The following CAMSAP2 variants were observed in gnomAD, a reference collection of about 807,000 sequenced individuals.
CAMSAP2 encodes the protein calmodulin regulated spectrin associated protein family member 2.
Under a neutral mutation model 146.1 loss-of-function variants are expected in CAMSAP2, and 26 were observed. That is an observed-to-expected ratio of 0.18 (90% CI 0.13 to 0.25). The LOEUF is 0.25. Among genes scored for constraint, CAMSAP2 ranks in the 10% least tolerant of loss-of-function variants. The pLI is 1.00. For missense variants in CAMSAP2, 1,381 were observed against 1,759.3 expected (o/e 0.78, Z 3.85); for synonymous variants, 499 against 596.6 (o/e 0.84, Z 2.38).
Position 200,841,401 on chromosome 1 carries a change from C to G in CAMSAP2, c.928-593C>G, listed in dbSNP as rs1667319615. On this transcript the variant is annotated intron_variant, in intron 6 of 16. Transcript: ENST00000358823. ...AGCTAGGATTACAGGCACGCGCCAC[C>G]ACACCCGGCTAGTTTTTTGTATCTT... 2.0e-5 allele frequency among the ~76,000 whole-genome samples: 3 copies of G among 152,172 alleles called. No individual in the cohort carries two copies. In the South Asian group the frequency reaches 6.2e-4, roughly 32 times the overall value.
intron 2 of CAMSAP2, among the ~76,000 whole-genome samples, chr1:200,787,069 G>A (rs6667419): frequency 0.13 from 20,439 of 151,814 alleles, 1,430 homozygotes; most frequent in East Asian, 0.17. Context: ...GACAATGCGC[G>A]TGGTCACCCA....
intron 3 of CAMSAP2, among the ~76,000 whole-genome samples, chr1:200,813,214 G>A (rs2102159250): frequency 6.6e-6 from 1 of 152,308 alleles, no homozygotes; most frequent in Admixed American, 6.5e-5. Context: ...GGCCGAAAGG[G>A]CCACTGTGCT....
rs748372846 is a variant in CAMSAP2, at chr1:200,842,050, G to A, written c.984G>A (p.Pro328=). The A allele has an allele frequency of 2.6e-5, 42 of 1,613,702 alleles. No homozygotes were observed. The Admixed American group carries it at 4.2e-4, about 16-fold the overall frequency. The change falls in exon 7 of 17, where the codon CCG becomes CCA. Residue 328 remains proline (P), a synonymous_variant. Transcript: ENST00000358823. ...TCTGGTGGTTTGAAGTGGTGAAGCC[G>A]TCTTTTGTACAGCCTCGTGTTGTTC... ...ELFWWFEVVK[P]SFVQPRVVRP... is the part of the protein sequence containing the mutation.
At position 200,817,185 on chromosome 1, in the gene CAMSAP2, CACACATGTGTGTGTGTATACACACAT is replaced by C. The variant is rs1213770050; in HGVS notation, c.645+1547_645+1572del. 4.0e-3 allele frequency among the ~76,000 whole-genome samples: 285 copies of C among 70,810 alleles called. 5 individuals carry two copies. Among genetic ancestry groups the C allele is most frequent in the African/African-American group, 0.018 (268 of 14,744 alleles). The allele number at this position is 70,810 out of a possible 152,430, so 46.5% of individuals were successfully genotyped here. Reference sequence around the variant, plus strand: ...ACACACGTGTGTGTATATACACACACACACATGTGTGTGTGTATACACACATACACACATATGTGTGTGTATATACA... The same window carrying C: ...ACACACGTGTGTGTATATACACACACACACACATATGTGTGTGTATATACA... On this transcript the variant is annotated intron_variant, in intron 4 of 16. Coordinates refer to ENST00000358823, the MANE Select transcript of CAMSAP2 (RefSeq NM_203459.4).
At position 200,815,626 on chromosome 1, in the gene CAMSAP2, A is replaced by G; in HGVS notation, c.627A>G (p.Glu209=). Residue 209 remains glutamate (E), a synonymous_variant, in exon 4 of 17, where the codon GAA becomes GAG. Coordinates refer to ENST00000358823, the MANE Select transcript of CAMSAP2 (RefSeq NM_203459.4). ...AACTGAAAGAACATCACACAGTTGA[A>G]GCTCCAGGAGGTCAAAAGGTATTTA... ...EQKLKEHHTV[E]APGGQKARYR... is the part of the protein sequence containing the mutation. The G allele has an allele frequency of 1.3e-6, 2 of 1,569,862 alleles. No individual in the cohort carries two copies. Among genetic ancestry groups the G allele is most frequent in the Non-Finnish European group, 1.7e-6 (2 of 1,159,648 alleles).
chr1:200,841,111 AAGTT>A (rs1440676133), intron 6 of CAMSAP2, among the ~76,000 whole-genome samples: 8 of 152,238 alleles, frequency 5.3e-5, no homozygotes, highest in Non-Finnish European at 8.8e-5. Flanking sequence ...TAACTTTTCA[AAGTT>A]AGGTAGATAC....
chr1:200,782,575 T>A (rs1665464799), intron 2 of CAMSAP2, among the ~76,000 whole-genome samples: 1 of 152,148 alleles, frequency 6.6e-6, no homozygotes, highest in Non-Finnish European at 1.5e-5. Flanking sequence ...ACTCTTTTTT[T>A]ACTAGATTCT....
intron 1 of CAMSAP2, among the ~76,000 whole-genome samples, chr1:200,750,552 A>G (rs931855182): frequency 1.3e-5 from 2 of 150,242 alleles, no homozygotes; most frequent in South Asian, 2.1e-4. Context: ...CCTTCTTCCT[A>G]CCTCCCACAC....
intron 8 of CAMSAP2, among the ~76,000 whole-genome samples, chr1:200,846,724 A>G (rs928902676): frequency 6.6e-6 from 1 of 152,236 alleles, no homozygotes; most frequent in Admixed American, 6.5e-5. Flanking sequence ...AAAGAAAAAA[A>G]CAAAGGACGA....
intron 2 of CAMSAP2, among the ~76,000 whole-genome samples, chr1:200,804,061 A>G (rs1666107542): frequency 6.6e-6 from 1 of 151,632 alleles, no homozygotes; most frequent in South Asian, 2.1e-4. Context: ...TGAGTAGCTG[A>G]GACTACAGGT....
intron 2 of CAMSAP2, among the ~76,000 whole-genome samples, chr1:200,780,408 G>A (rs903088516): frequency 5.9e-5 from 9 of 152,172 alleles, no homozygotes; most frequent in African/African-American, 2.2e-4. Context: ...GGAGCATTTA[G>A]TGAGAATTAT....
intron 1 of CAMSAP2, among the ~76,000 whole-genome samples, chr1:200,747,742 G>A (rs1664376223): frequency 6.6e-6 from 1 of 151,782 alleles, no homozygotes; most frequent in Admixed American, 6.6e-5. Flanking sequence ...CGGGCGCGGT[G>A]GCTCACGCCT....
At chr1:200,841,175 G>C (rs1006589975) in intron 6 of CAMSAP2, among the ~76,000 whole-genome samples, 1 of 152,146 alleles carries the variant, frequency 6.6e-6, no homozygotes, top group African/African-American at 2.4e-5. Context: ...TTAAAAATTA[G>C]CTATAAAAAT....
chr1:200,845,976 CA>C (rs1202573922), intron 8 of CAMSAP2, among the ~76,000 whole-genome samples: 1 of 152,150 alleles, frequency 6.6e-6, no homozygotes, highest in East Asian at 1.9e-4. Context: ...CTCCTATAAG[CA>C]GCTTTTTATT....
Position 200,753,110 on chromosome 1 carries a change from C to G in CAMSAP2, c.140-7729C>G, listed in dbSNP as rs1346918320. Among the ~76,000 whole-genome samples, 6 of 151,838 alleles carry G rather than the reference C, an allele frequency of 4.0e-5. No homozygotes were observed. In the East Asian group the frequency reaches 1.2e-3, roughly 30 times the overall value. On this transcript the variant is annotated intron_variant, in intron 1 of 16. Coordinates refer to ENST00000358823, the MANE Select transcript of CAMSAP2 (RefSeq NM_203459.4). Reference sequence around the variant, plus strand: ...AGGAGTTTGAGACCACCCTGGCAAACAAGGTGAAAACCCATCTCTACTAAG... The same window carrying G: ...AGGAGTTTGAGACCACCCTGGCAAAGAAGGTGAAAACCCATCTCTACTAAG...
At chr1:200,756,033 T>G (rs1276876145) in intron 1 of CAMSAP2, among the ~76,000 whole-genome samples, 3 of 152,092 alleles carry the variant, frequency 2.0e-5, no homozygotes, top group Admixed American at 2.0e-4. Context: ...GAGTTGGGTG[T>G]TTGGAACATA....
intron 1 of CAMSAP2, among the ~76,000 whole-genome samples, chr1:200,758,917 T>C (rs1439945667): frequency 6.6e-6 from 1 of 152,198 alleles, no homozygotes; most frequent in Admixed American, 6.5e-5. Context: ...TTCATTTCCT[T>C]ATATCTATAT....
intron 1 of CAMSAP2, among the ~76,000 whole-genome samples, chr1:200,754,110 A>G (rs904629348): frequency 2.0e-5 from 3 of 152,228 alleles, no homozygotes; most frequent in Non-Finnish European, 2.9e-5. Flanking sequence ...ATGTCTGAGC[A>G]TTATGTTGAT....
At chr1:200,852,785 T>C (rs771854067) in intron 12 of CAMSAP2, 108 bp downstream of exon 12, 1 of 1,181,900 alleles carries the variant, frequency 8.5e-7, no homozygotes, top group Non-Finnish European at 1.2e-6. Flanking sequence ...TTAATTTTTA[T>C]TAACAGATTT....
Sources: allele counts gnomAD v4.1 joint callset (sites outside exome capture counted in the v4.1 genomes callset), GRCh38; gene constraint gnomAD v4.1.1; transcripts MANE v1.5; gene names NCBI Gene and HGNC (gene_info 2026-07-23, HGNC 2026-07-21).